Variants in EGLN1 observed in about 807,000 individuals in gnomAD.
EGLN1 encodes the protein egl nine homolog 1.
Under a neutral mutation model 38.3 loss-of-function variants are expected in EGLN1, and 17 were observed. That is an observed-to-expected ratio of 0.44 (90% CI 0.30 to 0.67). The LOEUF is 0.67. EGLN1 is among the 30% of genes least tolerant of loss of function. EGLN1 has a pLI of 0.08. For missense variants in EGLN1, 477 were observed against 603.3 expected, an observed-to-expected ratio of 0.79 and a Z score of 2.19; for synonymous variants, 283 against 257.5, an observed-to-expected ratio of 1.10 and a Z score of -0.95.
intron 1 of EGLN1, among the ~76,000 whole-genome samples, chr1:231,407,048 T>C: frequency 6.6e-6 from 1 of 152,146 alleles, no homozygotes; most frequent in East Asian, 1.9e-4. Flanking sequence ...ACCAACTCTG[T>C]AATCAGAGAA....
chr1:231,415,270 T>TAA (rs71777021), intron 1 of EGLN1, among the ~76,000 whole-genome samples: 4 of 135,080 alleles, frequency 3.0e-5, no homozygotes, highest in Non-Finnish European at 4.8e-5. Flanking sequence ...CCCTGTCCTT[T>TAA]AAAAAAAAAA....
intron 1 of EGLN1, among the ~76,000 whole-genome samples, chr1:231,379,631 CA>C (rs1643893250): frequency 6.6e-6 from 1 of 152,150 alleles, no homozygotes; most frequent in Non-Finnish European, 1.5e-5. Context: ...AAGGTGCACT[CA>C]CACACACCCA....
At chr1:231,366,851 G>A (rs527960888) in intron 4 of EGLN1, among the ~76,000 whole-genome samples, 10 of 152,310 alleles carry the variant, frequency 6.6e-5, no homozygotes, top group Admixed American at 3.3e-4. Context: ...TAAGGTCGAC[G>A]TGCGATTAGC....
chr1:231,373,684 GTGTGTGTGTGTGTGTGTGTA>G (rs1289514970), intron 2 of EGLN1, among the ~76,000 whole-genome samples: 1 of 33,168 alleles, frequency 3.0e-5, no homozygotes. Flanking sequence ...GTGCGTGTGT[GTGTGTGTGTGTGTGTGTGTA>G]TGTGTGTGTG....
At chr1:231,418,658 G>C (rs1473337898) in intron 1 of EGLN1, among the ~76,000 whole-genome samples, 2 of 152,104 alleles carry the variant, frequency 1.3e-5, no homozygotes, top group Non-Finnish European at 2.9e-5. Flanking sequence ...GAGCCGAGGA[G>C]TTCGAGATCA....
intron 1 of EGLN1, among the ~76,000 whole-genome samples, chr1:231,403,724 A>G (rs1168347210): frequency 7.1e-6 from 1 of 141,652 alleles, no homozygotes; most frequent in Non-Finnish European, 1.5e-5. Context: ...GGTTGCAGTG[A>G]GCCACTGCAC....
chr1:231,381,607 G>A (rs1002998886), intron 1 of EGLN1, among the ~76,000 whole-genome samples: 25 of 151,998 alleles, frequency 1.6e-4, no homozygotes, highest in African/African-American at 5.1e-4. Context: ...TGATGCTCCC[G>A]ACAGTATAAT....
intron 1 of EGLN1, among the ~76,000 whole-genome samples, chr1:231,388,586 C>T (rs574806744): frequency 3.3e-5 from 5 of 151,670 alleles, no homozygotes; most frequent in African/African-American, 9.7e-5. Flanking sequence ...ATTCCCCTGC[C>T]GCAGCCTCCC....
intron 1 of EGLN1, among the ~76,000 whole-genome samples, chr1:231,414,733 CTTTTT>C (rs71179779): frequency 4.6e-5 from 6 of 129,536 alleles, no homozygotes; most frequent in African/African-American, 1.5e-4. Flanking sequence ...AATCCCAGCA[CTTTTT>C]TTTTTTTTTT....
chr1:231,376,082 T>A (rs1254722013), intron 1 of EGLN1, among the ~76,000 whole-genome samples: 1 of 152,198 alleles, frequency 6.6e-6, no homozygotes, highest in Non-Finnish European at 1.5e-5. Flanking sequence ...GCACTGGGGC[T>A]AAAACGATGA....
At position 231,378,543 on chromosome 1, in the gene EGLN1, G is replaced by A. The variant is rs115583999; in HGVS notation, c.892-4444C>T. Among the ~76,000 whole-genome samples, 155 of 152,260 alleles carry A rather than the reference G, an allele frequency of 1.0e-3. 1 individual carries two copies. Among genetic ancestry groups the A allele is most frequent in the African/African-American group, 3.7e-3 (152 of 41,550 alleles). On this transcript the variant is annotated intron_variant, in intron 1 of 4. Transcript: ENST00000366641. ...CCTCCTGGGCTCAAGCAATCTGCCT[G>A]CCTCGGCCTCCCAAAGTGCTAGGAC... is the stretch of plus-strand genomic sequence containing the variant.
intron 1 of EGLN1, among the ~76,000 whole-genome samples, chr1:231,402,819 CATAG>C (rs541295704): frequency 2.7e-5 from 4 of 150,368 alleles, no homozygotes; most frequent in Non-Finnish European, 4.4e-5. Flanking sequence ...ATTTTTTCCA[CATAG>C]ATAGCCATGT....
intron 1 of EGLN1, among the ~76,000 whole-genome samples, chr1:231,385,431 T>C (rs1294855124): frequency 6.6e-6 from 1 of 152,000 alleles, no homozygotes; most frequent in Non-Finnish European, 1.5e-5. Flanking sequence ...ATCTGAAAAA[T>C]GAGTTTTGAA....
At chr1:231,386,553 CTTAA>C (rs150664760) in intron 1 of EGLN1, among the ~76,000 whole-genome samples, 82,437 of 151,510 alleles carry the variant, frequency 0.54, 23,999 homozygotes, top group Non-Finnish European at 0.65. Flanking sequence ...AGAAAAGTTA[CTTAA>C]TTATTTATAT....
At chr1:231,398,355 G>GGT (rs1558390309) in intron 1 of EGLN1, among the ~76,000 whole-genome samples, 1 of 152,026 alleles carries the variant, frequency 6.6e-6, no homozygotes, top group African/African-American at 2.4e-5. Context: ...AAGAGATGGG[G>GGT]GTCACATTAT....
chr1:231,394,714 T>TG (rs1447796605), intron 1 of EGLN1, among the ~76,000 whole-genome samples: 16 of 151,974 alleles, frequency 1.1e-4, no homozygotes, highest in Non-Finnish European at 2.2e-4. Context: ...ATTCACTAGA[T>TG]GGAGATATTT....
At chr1:231,417,051 T>TGA (rs1027490880) in intron 1 of EGLN1, among the ~76,000 whole-genome samples, 7 of 152,226 alleles carry the variant, frequency 4.6e-5, no homozygotes, top group Non-Finnish European at 1.0e-4. Flanking sequence ...GCTGAAAGTC[T>TGA]GAGATCAGGA....
intron 1 of EGLN1, among the ~76,000 whole-genome samples, chr1:231,403,351 T>C (rs976083741): frequency 3.3e-5 from 5 of 152,208 alleles, no homozygotes; most frequent in African/African-American, 1.2e-4. Flanking sequence ...ATAATTGTAA[T>C]TTGTTGATTG....
In EGLN1 at chr1:231,419,173, C is replaced by T. The variant is rs1276282090; in HGVS notation, c.891+1825G>A. Among the ~76,000 whole-genome samples, 6 of 152,144 alleles carry T rather than the reference C, an allele frequency of 3.9e-5. No individual in the cohort carries two copies. In the East Asian group the frequency reaches 5.8e-4, roughly 15 times the overall value. ...AAAGGTCATCCCTCCTTCATCCTGTCCCTTATTACCTGCTAATATGTACAG... is the reference window on the plus strand; with the variant it reads ...AAAGGTCATCCCTCCTTCATCCTGTTCCTTATTACCTGCTAATATGTACAG... On this transcript the variant is annotated intron_variant, in intron 1 of 4. Coordinates refer to ENST00000366641, the MANE Select transcript of EGLN1 (RefSeq NM_022051.3).
Sources: gnomAD v4.1 joint callset for allele counts (sites outside exome capture counted in the v4.1 genomes callset) on GRCh38, gnomAD v4.1.1 for gene constraint, MANE v1.5 for transcripts, NCBI Gene and HGNC (gene_info 2026-07-23, HGNC 2026-07-21) for gene names.